NCKAP5: variants seen among roughly 807,000 people sequenced by gnomAD.
NCKAP5 encodes NCK associated protein 5.
NCKAP5 carries 92 observed loss-of-function variants against 167.0 expected under a neutral mutation model. The observed-to-expected ratio is 0.55, with a 90% CI of 0.47 to 0.66. The LOEUF (loss-of-function observed/expected upper bound fraction) is 0.66. NCKAP5 is among the 30% of genes least tolerant of loss of function. The pLI, the probability that NCKAP5 is intolerant of heterozygous loss-of-function variation, is 0.00. For missense variants in NCKAP5, 2,378 were observed against 2,315.0 expected (o/e 1.03, Z -0.56); for synonymous variants, 891 against 877.4 (o/e 1.02, Z -0.27).
chr2:133,106,505 C>T lies in NCKAP5; in HGVS notation c.341+23473G>A, dbSNP rs528278892. ...TAAGGCATCAGCCCAAATGCTAGTT[C>T]TTCCACTCTCCAGAGGAGAGATAAA... is the stretch of plus-strand genomic sequence containing the variant. On this transcript the variant is annotated intron_variant, in intron 6 of 19. Coordinates refer to ENST00000409261, the MANE Select transcript of NCKAP5 (RefSeq NM_207363.3). Among the ~76,000 whole-genome samples, 3 of 152,222 alleles carry T rather than the reference C, an allele frequency of 2.0e-5. No individual in the cohort carries two copies. In the South Asian group the frequency reaches 6.2e-4, roughly 32 times the overall value.
At chr2:132,753,172 A>G (rs1680257515) in intron 16 of NCKAP5, among the ~76,000 whole-genome samples, 1 of 152,228 alleles carries the variant, frequency 6.6e-6, no homozygotes, top group Admixed American at 6.5e-5. Flanking sequence ...TTAAGGAGAT[A>G]GCGTTTGTGG....
intron 18 of NCKAP5, 133 bp from the exon 19 acceptor site, chr2:132,725,892 C>A: frequency 2.1e-6 from 2 of 942,518 alleles, no homozygotes; most frequent in Non-Finnish European, 1.5e-6. Flanking sequence ...CTGCCCAGCC[C>A]GCCGCTCACC....
At chr2:133,226,251 G>GCCCAAAAA (rs2086885192) in intron 4 of NCKAP5, among the ~76,000 whole-genome samples, 2 of 152,076 alleles carry the variant, frequency 1.3e-5, no homozygotes, top group African/African-American at 4.8e-5. Flanking sequence ...CAAAAAGGTG[G>GCCCAAAAA]TTTTTAGGCT....
At chr2:133,433,927 A>C (rs1325167243) in intron 3 of NCKAP5, 4 of 152,206 alleles carry the variant, frequency 2.6e-5, no homozygotes, top group African/African-American at 9.6e-5. Flanking sequence ...TGGTTTTGGG[A>C]GGAGGCACCT....
chr2:132,926,295 A>G, intron 8 of NCKAP5: 1 of 211,694 alleles, frequency 4.7e-6, no homozygotes, highest in Admixed American at 4.5e-5. Flanking sequence ...TCATCCACTG[A>G]TGGACACTTA....
At chr2:132,855,431 T>A (rs962250985) in intron 11 of NCKAP5, among the ~76,000 whole-genome samples, 2 of 152,212 alleles carry the variant, frequency 1.3e-5, no homozygotes, top group Non-Finnish European at 2.9e-5. Context: ...CTGTGGGTGT[T>A]TCTAAATTAG....
intron 2 of NCKAP5, among the ~76,000 whole-genome samples, chr2:133,517,889 C>T (rs576334865): frequency 3.3e-5 from 5 of 152,102 alleles, no homozygotes; most frequent in Non-Finnish European, 5.9e-5. Context: ...TGCTCCACAC[C>T]CGTCCTCTCT....
At chr2:133,103,592 C>A (rs2081587494) in intron 6 of NCKAP5, among the ~76,000 whole-genome samples, 1 of 152,088 alleles carries the variant, frequency 6.6e-6, no homozygotes, top group Admixed American at 6.6e-5. Flanking sequence ...CCAGGAGATC[C>A]AAACCAGCCT....
chr2:132,954,571 A>G, intron 8 of NCKAP5: 1 of 439,880 alleles, frequency 2.3e-6, no homozygotes. Flanking sequence ...AATAAATGGC[A>G]CTCAGTATCC....
chr2:132,987,728 A>G (rs2077328778), intron 7 of NCKAP5, among the ~76,000 whole-genome samples: 1 of 152,176 alleles, frequency 6.6e-6, no homozygotes, highest in South Asian at 2.1e-4. Context: ...TTTGCTGATC[A>G]CTATACTTAA....
At chr2:133,474,945 GA>G (rs1679750812) in intron 3 of NCKAP5, among the ~76,000 whole-genome samples, 1 of 152,084 alleles carries the variant, frequency 6.6e-6, no homozygotes, top group Non-Finnish European at 1.5e-5. Flanking sequence ...TGAGTAGCTG[GA>G]ATTACAGGTG....
At chr2:133,204,850 C>T (rs1560891) in intron 5 of NCKAP5, among the ~76,000 whole-genome samples, 76,845 of 152,098 alleles carry the variant, frequency 0.51, 19,727 homozygotes, top group African/African-American at 0.53. Flanking sequence ...ATGTGCATTT[C>T]TCTGAAAGAG....
At chr2:133,547,680 A>C (rs1048812349) in intron 2 of NCKAP5, among the ~76,000 whole-genome samples, 1 of 151,214 alleles carries the variant, frequency 6.6e-6, no homozygotes, top group Non-Finnish European at 1.5e-5. Flanking sequence ...GTCTGTTAGA[A>C]GGAAAACTAA....
intron 3 of NCKAP5, among the ~76,000 whole-genome samples, chr2:133,345,006 T>A (rs370103310): frequency 2.0e-5 from 3 of 152,250 alleles, no homozygotes; most frequent in African/African-American, 7.2e-5. Flanking sequence ...CAGTGCGTCA[T>A]TTGAGAACCA....
chr2:132,835,464 C>G (rs1687822187), intron 11 of NCKAP5, among the ~76,000 whole-genome samples: 1 of 152,146 alleles, frequency 6.6e-6, no homozygotes, highest in African/African-American at 2.4e-5. Flanking sequence ...TTCCTTAGAA[C>G]ACTAAGCATT....
chr2:132,809,347 T>C (rs571677991), intron 11 of NCKAP5, among the ~76,000 whole-genome samples: 5 of 152,314 alleles, frequency 3.3e-5, no homozygotes, highest in Admixed American at 6.5e-5. Flanking sequence ...TGATGACCTG[T>C]CTAGTGCTGT....
rs148259427 is a variant in NCKAP5 at position 133,387,113 on chromosome 2, G to A, written c.70-84003C>T. On this transcript the variant is annotated intron_variant, in intron 3 of 19. Transcript: ENST00000409261. Reference sequence around the variant, plus strand: ...ATGATGTTAGCTGGTTATTTTGCTCGTTAGTTGATGCGGTTTCCTCCTAAA... The same window carrying A: ...ATGATGTTAGCTGGTTATTTTGCTCATTAGTTGATGCGGTTTCCTCCTAAA... Among the ~76,000 whole-genome samples the A allele has an allele frequency of 4.6e-5, 7 of 152,220 alleles. No individual in the cohort carries two copies. The East Asian group carries it at 5.8e-4, about 13-fold the overall frequency.
chr2:132,902,966 G>C lies in NCKAP5; in HGVS notation c.580-24050C>G, dbSNP rs571096561. 2.7e-4 allele frequency among the ~76,000 whole-genome samples: 41 copies of C among 152,302 alleles called. 1 individual carries two copies. In the South Asian group the frequency reaches 8.5e-3, roughly 32 times the overall value. On this transcript the variant is annotated intron_variant, in intron 8 of 19. Transcript: ENST00000409261. Reference sequence around the variant, plus strand: ...AGAGGTGGCTTTGGCATCCACTTATGTAGGTGTGAATTCTGATTCCACAGC... The same window carrying C: ...AGAGGTGGCTTTGGCATCCACTTATCTAGGTGTGAATTCTGATTCCACAGC...
chr2:133,614,175 C>T, the NCKAP5 span, among the ~76,000 whole-genome samples: 6 of 152,086 alleles, frequency 3.9e-5, no homozygotes, highest in Admixed American at 1.3e-4. Flanking sequence ...ACTGTGAGCC[C>T]GCTTGCTTTC....
Sources: gnomAD v4.1 joint callset for allele counts (sites outside exome capture counted in the v4.1 genomes callset) on GRCh38, gnomAD v4.1.1 for gene constraint, MANE v1.5 for transcripts, NCBI Gene and HGNC (gene_info 2026-07-23, HGNC 2026-07-21) for gene names.